GABRG3: variants seen among roughly 807,000 people sequenced by gnomAD.
GABRG3 encodes the protein gamma-aminobutyric acid type A receptor subunit gamma3, also known as gamma-aminobutyric acid receptor subunit gamma-3.
A neutral mutation model predicts 48.8 loss-of-function variants in GABRG3; 25 were observed. That is an observed-to-expected ratio of 0.51 (90% CI 0.37 to 0.72). GABRG3 has a LOEUF of 0.72. GABRG3 is among the 30% of genes least tolerant of loss of function. GABRG3 has a pLI of 0.00. For synonymous variants in GABRG3, 227 were observed against 217.6 expected (o/e 1.04, Z -0.38); for missense variants, 394 against 577.9 (o/e 0.68, Z 3.26).
At chr15:27,320,948 C>A (rs1187638361) in intron 3 of GABRG3, among the ~76,000 whole-genome samples, 1 of 152,178 alleles carries the variant, frequency 6.6e-6, no homozygotes, top group East Asian at 1.9e-4. Context: ...AGGGGAGCCA[C>A]GTGCCCCTCT....
chr15:27,254,912 A>G (rs1349333409), intron 3 of GABRG3, among the ~76,000 whole-genome samples: 1 of 142,274 alleles, frequency 7.0e-6, no homozygotes, highest in Non-Finnish European at 1.6e-5. Flanking sequence ...CAGACATGGA[A>G]TGAGAGGTGA....
chr15:27,392,585 C>T lies in GABRG3; in HGVS notation c.574+63697C>T, dbSNP rs540186708. 5.3e-5 allele frequency among the ~76,000 whole-genome samples: 8 copies of T among 152,276 alleles called. No individual in the cohort carries two copies. The East Asian group carries it at 9.7e-4, about 18-fold the overall frequency. On this transcript the variant is annotated intron_variant, in intron 5 of 9. Transcript: ENST00000615808. Reference sequence around the variant, plus strand: ...CACGTTGCTTCCCTGTAAAGTTATTCCCTTCATCATGCAGTACTCTGCATA... The same window carrying T: ...CACGTTGCTTCCCTGTAAAGTTATTTCCTTCATCATGCAGTACTCTGCATA...
At chr15:27,194,417 G>T (rs1322173437) in intron 3 of GABRG3, among the ~76,000 whole-genome samples, 1 of 152,154 alleles carries the variant, frequency 6.6e-6, no homozygotes, top group East Asian at 1.9e-4. Context: ...TCAGTTTAGA[G>T]AACTTCCTTT....
At chr15:27,185,156 A>G (rs1452687273) in intron 3 of GABRG3, among the ~76,000 whole-genome samples, 3 of 152,098 alleles carry the variant, frequency 2.0e-5, no homozygotes, top group Non-Finnish European at 4.4e-5. Context: ...CTTTCCTAAT[A>G]TAAGCCTTTA....
chr15:27,203,508 T>C (rs768256339), intron 3 of GABRG3, among the ~76,000 whole-genome samples: 14 of 152,192 alleles, frequency 9.2e-5, no homozygotes, highest in Non-Finnish European at 2.1e-4. Flanking sequence ...AACATGCACA[T>C]GCGTGTATCT....
rs1017602886 is a variant in GABRG3 at position 27,463,843 on chromosome 15, A to G, written c.575-16807A>G. Among the ~76,000 whole-genome samples the G allele has an allele frequency of 5.3e-5, 8 of 152,156 alleles. No homozygotes were observed. The South Asian group carries it at 1.2e-3, about 24-fold the overall frequency. The stretch of plus-strand genomic sequence containing the variant: ...TGCTCCTTAAAGCTAGATGTTCACT[A>G]CATCACTCCAACTTCTCTCTTCGCT... On this transcript the variant is annotated intron_variant, in intron 5 of 9. Transcript: ENST00000615808.
chr15:27,229,630 C>T (rs1889737783), intron 3 of GABRG3, among the ~76,000 whole-genome samples: 1 of 152,220 alleles, frequency 6.6e-6, no homozygotes, highest in Admixed American at 6.5e-5. Flanking sequence ...GGGTGCACCA[C>T]CACGCCCGGC....
Position 27,026,761 on chromosome 15 carries a change from G to A in GABRG3, c.210G>A (p.Pro70=), listed in dbSNP as rs776826292. Residue 70 remains proline, a synonymous_variant, in exon 3 of 10, where the codon CCG becomes CCA. Coordinates refer to ENST00000615808, the MANE Select transcript of GABRG3 (RefSeq NM_033223.5). ...ATGTATTTTTCTCCACAGTAAAACCGACCGTAATTGACGTTGACATTTATG... is the reference window on the plus strand; with the variant it reads ...ATGTATTTTTCTCCACAGTAAAACCAACCGTAATTGACGTTGACATTTATG... ...KKLRPDIGIK[P]TVIDVDIYVN... is the part of the protein sequence containing the mutation. 11 of 1,610,962 alleles carry A rather than the reference G, an allele frequency of 6.8e-6. No individual in the cohort carries two copies. Among genetic ancestry groups the A allele is most frequent in the South Asian group, 1.1e-5 (1 of 90,258 alleles).
chr15:27,398,692 C>T (rs1335425310), intron 5 of GABRG3, among the ~76,000 whole-genome samples: 1 of 148,840 alleles, frequency 6.7e-6, no homozygotes, highest in Non-Finnish European at 1.5e-5. Context: ...ACACACACCC[C>T]TCTATTATAG....
intron 5 of GABRG3, among the ~76,000 whole-genome samples, chr15:27,331,746 G>A (rs945857161): frequency 6.6e-6 from 1 of 152,170 alleles, no homozygotes; most frequent in African/African-American, 2.4e-5. Context: ...GTTCATTGAT[G>A]GTAACAAATG....
chr15:27,206,493 A>G lies in GABRG3; in HGVS notation c.271-120316A>G, dbSNP rs1888856104. 2.6e-5 allele frequency among the ~76,000 whole-genome samples: 4 copies of G among 152,162 alleles called. No homozygotes were observed. The South Asian group carries it at 8.3e-4, about 31-fold the overall frequency. On this transcript the variant is annotated intron_variant, in intron 3 of 9. Coordinates refer to ENST00000615808, the MANE Select transcript of GABRG3 (RefSeq NM_033223.5). ...CTTAGCATATGGTAAATGTTAGAGT[A>G]TGTGGCGTGTGCATATGAGAAGACT...
intron 5 of GABRG3, among the ~76,000 whole-genome samples, chr15:27,366,754 G>A (rs1239971943): frequency 6.6e-6 from 1 of 152,168 alleles, no homozygotes; most frequent in East Asian, 1.9e-4. Context: ...TACATCCGCT[G>A]TAGACCTGTA....
At chr15:27,008,645 T>TA (rs398039712) in intron 2 of GABRG3, among the ~76,000 whole-genome samples, 1 of 151,916 alleles carries the variant, frequency 6.6e-6, no homozygotes, top group Non-Finnish European at 1.5e-5. Flanking sequence ...CTTTTTTTTT[T>TA]ATAACATTCT....
Position 27,526,533 on chromosome 15 carries a change from A to C in GABRG3, c.866-900A>C, listed in dbSNP as rs569017517. Among the ~76,000 whole-genome samples, 6 of 152,194 alleles carry C rather than the reference A, an allele frequency of 3.9e-5. No individual in the cohort carries two copies. In the South Asian group the frequency reaches 1.2e-3, roughly 32 times the overall value. The stretch of plus-strand genomic sequence containing the variant: ...CTGATTTCTTGGGAAGACTCGGGAG[A>C]GTCAGTCTTAGCCTGTTTCACATGA... On this transcript the variant is annotated intron_variant, in intron 7 of 9. Transcript: ENST00000615808.
chr15:27,204,514 A>G lies in GABRG3; in HGVS notation c.271-122295A>G, dbSNP rs1053110877. ...CTTTTTGCTTAGGATTGCTTTGGCT[A>G]TTCAGACTCTTTTTTGGTTCCAAAT... is the stretch of plus-strand genomic sequence containing the variant. On this transcript the variant is annotated intron_variant, in intron 3 of 9. Transcript: ENST00000615808. 4.6e-5 allele frequency among the ~76,000 whole-genome samples: 7 copies of G among 152,138 alleles called. No homozygotes were observed. In the East Asian group the frequency reaches 7.7e-4, roughly 17 times the overall value.
chr15:27,107,297 T>G (rs1897467256), intron 3 of GABRG3, among the ~76,000 whole-genome samples: 1 of 152,032 alleles, frequency 6.6e-6, no homozygotes. Flanking sequence ...GCGGCTTGTC[T>G]GCATCAGTGG....
chr15:27,363,512 G>A (rs1404731025), intron 5 of GABRG3: 2 of 152,252 alleles, frequency 1.3e-5, no homozygotes, highest in African/African-American at 2.4e-5. Context: ...GACTGAGTTG[G>A]TGGGCCATAT....
chr15:27,501,042 C>G (rs969016724), intron 6 of GABRG3, among the ~76,000 whole-genome samples: 1 of 150,706 alleles, frequency 6.6e-6, no homozygotes, highest in South Asian at 2.1e-4. Flanking sequence ...AGCTCCGCCT[C>G]CCGGGTTCAC....
At chr15:27,531,790 G>A (rs577309620) in intron 9 of GABRG3, among the ~76,000 whole-genome samples, 1 of 152,302 alleles carries the variant, frequency 6.6e-6, no homozygotes, top group East Asian at 1.9e-4. Flanking sequence ...CATGTCTCAG[G>A]GTTAGGAATG....
Sources: allele counts gnomAD v4.1 joint callset (sites outside exome capture counted in the v4.1 genomes callset), GRCh38; gene constraint gnomAD v4.1.1; transcripts MANE v1.5; gene names NCBI Gene and HGNC (gene_info 2026-07-23, HGNC 2026-07-21).